NUDT10: variants seen among roughly 807,000 people sequenced by gnomAD.
NUDT10 encodes diphosphoinositol polyphosphate phosphohydrolase 3-alpha.
A neutral mutation model predicts 10.5 loss-of-function variants in NUDT10; 2 were observed. That is an observed-to-expected ratio of 0.19 (90% CI 0.08 to 0.60). NUDT10 has a LOEUF of 0.60. Among genes scored for constraint, NUDT10 ranks in the 20% least tolerant of loss-of-function variants. The pLI is 0.89. For missense variants in NUDT10, 75 were observed against 149.5 expected (o/e 0.50, Z 2.60); for synonymous variants, 53 against 71.8 (o/e 0.74, Z 1.32).
chrX:51,333,782 C>T (rs868989200), intron 1 of NUDT10, among the ~76,000 whole-genome samples: 6 of 5,829 alleles, frequency 1.0e-3, no homozygotes, highest in Non-Finnish European at 1.5e-3. Context: ...GAGGGGTGGG[C>T]GGGGAGTGTG....
chrX:51,333,594 G>T, intron 1 of NUDT10, 135 bp downstream of exon 1: 1 of 924,828 alleles, frequency 1.1e-6, no homozygotes, highest in South Asian at 2.6e-5. Flanking sequence ...CAGACCCTCT[G>T]AATCACGCTT....
chrX:51,333,425 T>C lies in NUDT10; in HGVS notation c.460T>C (p.Ser154Pro). Reference protein sequence around the residue: ...KLGGSPTNGNSMAPSSPDSDP With the variant: ...KLGGSPTNGNPMAPSSPDSDP ...GGGCGGTTCCCCAACCAATGGAAAC[T>C]CCATGGCCCCATCCTCGCCAGATAG... Residue 154 changes from serine to proline, a missense_variant, in exon 1 of 2, where the codon TCC becomes CCC. By Grantham distance (74) the Ser-to-Pro change is moderately conservative. Coordinates refer to ENST00000356450, the MANE Select transcript of NUDT10 (RefSeq NM_001304963.2). 1 of 1,206,929 alleles carries C rather than the reference T, an allele frequency of 8.3e-7. No individual in the cohort carries two copies.
chrX:51,334,667 T>A (rs1224866763), intron 1 of NUDT10, among the ~76,000 whole-genome samples: 2 of 111,973 alleles, frequency 1.8e-5, no homozygotes, highest in African/African-American at 6.5e-5. Context: ...CAGTACTTGC[T>A]TGAAGTCAGG....
Position 51,333,276 on chromosome X carries a change from T to G in NUDT10, c.311T>G (p.Leu104Arg). 2.5e-6 allele frequency: 3 copies of G among 1,211,314 alleles called. No homozygotes were observed. The highest frequency in any genetic ancestry group is 3.4e-6 in the Non-Finnish European group (3 of 895,270). The change falls in exon 1 of 2, where the codon CTG (leucine) becomes CGG (arginine). Residue 104 changes from leucine (L) to arginine (R), a missense_variant. Coordinates refer to ENST00000356450, the MANE Select transcript of NUDT10 (RefSeq NM_001304963.2). ...YVYVLTVTEL[L>R]EDWEDSVSIG... is the part of the protein sequence containing the mutation. ...TATGTACTGACTGTCACGGAGCTGC[T>G]GGAGGATTGGGAAGATTCGGTTAGC... is the stretch of plus-strand genomic sequence containing the variant.
chrX:51,334,528 AT>A, intron 1 of NUDT10, among the ~76,000 whole-genome samples: 1 of 112,618 alleles, frequency 8.9e-6, no homozygotes, highest in South Asian at 3.7e-4. Flanking sequence ...AGCTCTAGCG[AT>A]GTTCAGCTGG....
At chrX:51,333,531 C>T in intron 1 of NUDT10, 72 bp downstream of exon 1, 2 of 1,157,670 alleles carry the variant, frequency 1.7e-6, no homozygotes, top group Non-Finnish European at 2.3e-6. Flanking sequence ...CCTGGAGCAC[C>T]TCTCGTACCA....
In NUDT10 at chrX:51,333,466, A is replaced by T; in HGVS notation, c.494+7A>T. The T allele has an allele frequency of 8.3e-7, 1 of 1,207,248 alleles. No individual in the cohort carries two copies. Among genetic ancestry groups the T allele is most frequent in the East Asian group, 3.0e-5 (1 of 33,692 alleles). ...CGCCAGATAGCGATCCCTAGTATGT[A>T]CCGCTTGCGCCCGCACAGACTTCTG... On this transcript the variant is annotated splice_region_variant and intron_variant, in intron 1 of 1. Coordinates refer to ENST00000356450, the MANE Select transcript of NUDT10 (RefSeq NM_001304963.2).
Position 51,333,084 on chromosome X carries a change from G to C in NUDT10, c.119G>C (p.Arg40Pro). The change falls in exon 1 of 2, where the codon CGG (arginine) becomes CCG (proline). Residue 40 changes from arginine to proline, a missense_variant. Transcript: ENST00000356450. ...GAGGTCCTGTTAGTGAGTAGCAGCC[G>C]GTACCCGGACCGCTGGATCGTGCCG... ...EDEVLLVSSSRYPDRWIVPGG... is the reference protein window; with the variant it reads ...EDEVLLVSSSPYPDRWIVPGG... 2 of 1,210,153 alleles carry C rather than the reference G, an allele frequency of 1.7e-6. No homozygotes were observed. The highest frequency in any genetic ancestry group is 1.1e-6 in the Non-Finnish European group (1 of 894,718).
intron 1 of NUDT10, among the ~76,000 whole-genome samples, chrX:51,334,699 ATCTC>A (rs1364524145): frequency 8.0e-5 from 9 of 111,834 alleles, no homozygotes; most frequent in Non-Finnish European, 1.7e-4. Context: ...GAATAGCTAA[ATCTC>A]TCTTCTGGAC....
At position 51,336,914 on chromosome X, in the gene NUDT10, C is replaced by A. The variant is rs1199459368; in HGVS notation, c.*675C>A. The A allele has an allele frequency of 2.7e-5, 3 of 112,342 alleles. No homozygotes were observed. The Admixed American group carries it at 2.8e-4, about 11-fold the overall frequency. The allele number at this position is 112,342 out of a possible 1,213,427, so 9.3% of individuals were successfully genotyped here. A position where few individuals can be genotyped will look rare whatever the true frequency, so the allele number is the denominator to read the frequency against. On this transcript the variant is annotated 3_prime_UTR_variant, in exon 2 of 2. Coordinates refer to ENST00000356450, the MANE Select transcript of NUDT10 (RefSeq NM_001304963.2). ...GTCTAGCCTGAGCAATATAATGAGA[C>A]TCCGTCTCTTAAAATATTTGCCCAA...
In NUDT10 at chrX:51,332,892, T is replaced by A; in HGVS notation, c.-74T>A. 8.6e-7 allele frequency: 1 copy of A among 1,157,143 alleles called. No individual in the cohort carries two copies. The highest frequency in any genetic ancestry group is 3.0e-5 in the East Asian group (1 of 32,923). ...CCCTTTCTCTTCCCAGCACCTCGGC[T>A]GCTGCCCGGCAGCGGCAGCAGCTGC... On this transcript the variant is annotated 5_prime_UTR_variant, in exon 1 of 2. Transcript: ENST00000356450.
intron 1 of NUDT10, among the ~76,000 whole-genome samples, chrX:51,333,963 T>A (rs1203851303): frequency 7.2e-5 from 8 of 111,051 alleles, no homozygotes; most frequent in Non-Finnish European, 1.5e-4. Flanking sequence ...TCCCTTGAGT[T>A]GTTTTCTCCT....
intron 1 of NUDT10, 83 bp downstream of exon 1, chrX:51,333,542 T>G (rs1557312432): frequency 1.9e-5 from 21 of 1,133,312 alleles, no homozygotes; most frequent in Non-Finnish European, 2.5e-5. Flanking sequence ...TCTCGTACCA[T>G]GTGCGGTCTC....
chrX:51,333,565 G>A, intron 1 of NUDT10, 106 bp downstream of exon 1: 1 of 1,062,588 alleles, frequency 9.4e-7, no homozygotes, highest in East Asian at 3.3e-5. Context: ...GGGCAGGAGG[G>A]AGGCTTTTGT....
At chrX:51,332,664 C>A (rs1317810551), upstream of NUDT10, among the ~76,000 whole-genome samples, 3 of 112,857 alleles carry the variant, frequency 2.7e-5, no homozygotes, top group African/African-American at 9.6e-5. Context: ...GAGTCGCGGG[C>A]TCGCGGGCAG....
chrX:51,335,850 A>T (rs1557312693), intron 1 of NUDT10, among the ~76,000 whole-genome samples: 1 of 112,301 alleles, frequency 8.9e-6, no homozygotes, highest in African/African-American at 3.2e-5. Flanking sequence ...TATTCTCAGC[A>T]TCATTCTTGT....
chrX:51,335,684 T>G (rs1318164263), intron 1 of NUDT10, among the ~76,000 whole-genome samples: 4 of 112,123 alleles, frequency 3.6e-5, no homozygotes, highest in African/African-American at 1.3e-4. Context: ...GCTCCTTGTC[T>G]CACTTGCCTT....
At chrX:51,333,564 G>A in intron 1 of NUDT10, 105 bp downstream of exon 1, 1 of 1,061,165 alleles carries the variant, frequency 9.4e-7, no homozygotes, top group Admixed American at 3.2e-5. Context: ...TGGGCAGGAG[G>A]GAGGCTTTTG....
At chrX:51,336,163 G>A (rs1922833043) in intron 1 of NUDT10, 76 bp from the exon 2 acceptor site, 3 of 520,809 alleles carry the variant, frequency 5.8e-6, no homozygotes, top group East Asian at 6.9e-5. Flanking sequence ...GCCATAGTAG[G>A]TGCTCAATAA....
Sources: allele counts gnomAD v4.1 joint callset (sites outside exome capture counted in the v4.1 genomes callset), GRCh38; gene constraint gnomAD v4.1.1; transcripts MANE v1.5; gene names NCBI Gene and HGNC (gene_info 2026-07-23, HGNC 2026-07-21).